The following QDPR variants were observed in gnomAD, a reference collection of about 807,000 sequenced individuals.
QDPR encodes the protein dihydropteridine reductase.
A neutral mutation model predicts 31.7 loss-of-function variants in QDPR; 23 were observed. The observed-to-expected ratio is 0.73, with a 90% CI of 0.52 to 1.03. The LOEUF (loss-of-function observed/expected upper bound fraction) is 1.03. Among genes scored for constraint, QDPR ranks in the 50% least tolerant of loss-of-function variants. The probability of loss-of-function intolerance (pLI) is 0.00; values close to 1 mark genes in which losing one functional copy is unlikely to be tolerated. For synonymous variants in QDPR, 124 were observed against 124.7 expected, an observed-to-expected ratio of 0.99 and a Z score of 0.03; for missense variants, 324 against 323.8, an observed-to-expected ratio of 1.00 and a Z score of 0.00.
At position 17,512,023 on chromosome 4, in the gene QDPR, C is replaced by T. The variant is rs1408416237; in HGVS notation, c.32G>A (p.Arg11His). The change falls in exon 1 of 7, where the codon CGC becomes CAC. Residue 11 changes from arginine to histidine, a missense_variant. Physicochemically the swap from Arg to His is conservative, Grantham distance 29. Transcript: ENST00000281243. Reference sequence around the variant, plus strand: ...CCTGCCGCCGTACACCAGCACCCGGCGCGCCTCGCCTGCAGCCGCCGCCGC... The same window carrying T: ...CCTGCCGCCGTACACCAGCACCCGGTGCGCCTCGCCTGCAGCCGCCGCCGC... MAAAAAAGEA[R>H]RVLVYGGRGA... is the part of the protein sequence containing the mutation. 9 of 1,605,952 alleles carry T rather than the reference C, an allele frequency of 5.6e-6. No homozygotes were observed. The highest frequency in any genetic ancestry group is 6.8e-6 in the Non-Finnish European group (8 of 1,177,150).
rs757483045 is a variant in QDPR at position 17,512,006 on chromosome 4, C to G, written c.49G>C (p.Gly17Arg). The part of the protein sequence containing the change: ...AGEARRVLVY[G>R]GRGALGSRCV... ...CGAGAACCCAGAGCGCCCCTGCCGC[C>G]GTACACCAGCACCCGGCGCGCCTCG... The change falls in exon 1 of 7, where the codon GGC (glycine) becomes CGC (arginine). Residue 17 changes from glycine to arginine, a missense_variant. Coordinates refer to ENST00000281243, the MANE Select transcript of QDPR (RefSeq NM_000320.3). The G allele has an allele frequency of 3.7e-6, 6 of 1,609,732 alleles. No homozygotes were observed. The highest frequency in any genetic ancestry group is 2.2e-5 in the East Asian group (1 of 44,756).
intron 2 of QDPR, among the ~76,000 whole-genome samples, chr4:17,508,974 T>C (rs530919842): frequency 5.8e-4 from 88 of 152,136 alleles, no homozygotes; most frequent in African/African-American, 2.0e-3. Context: ...CTGGCCAACA[T>C]GGTGAAACCC....
chr4:17,490,377 A>T, intron 6 of QDPR: 1 of 409,898 alleles, frequency 2.4e-6, no homozygotes, highest in South Asian at 2.1e-5. Flanking sequence ...ACAGGTGGGG[A>T]AACTGAGGCC....
At chr4:17,489,731 T>C (rs1336029989) in intron 6 of QDPR, among the ~76,000 whole-genome samples, 2 of 152,202 alleles carry the variant, frequency 1.3e-5, no homozygotes, top group African/African-American at 2.4e-5. Context: ...ACATAAAAAG[T>C]GTTCTGTAAG....
At chr4:17,489,002 GT>G (rs1051419190) in intron 6 of QDPR, among the ~76,000 whole-genome samples, 7 of 152,114 alleles carry the variant, frequency 4.6e-5, no homozygotes, top group Non-Finnish European at 1.0e-4. Context: ...TTGTTGTTTT[GT>G]TTTTTTATAC....
intron 4 of QDPR, among the ~76,000 whole-genome samples, chr4:17,496,473 G>GAACA (rs890901959): frequency 2.9e-5 from 2 of 68,952 alleles, no homozygotes; most frequent in Non-Finnish European, 5.9e-5. Context: ...AAAAAAAAAA[G>GAACA]AACAAACTGG....
intron 3 of QDPR, among the ~76,000 whole-genome samples, chr4:17,503,837 G>A (rs1165758815): frequency 6.6e-6 from 1 of 152,094 alleles, no homozygotes; most frequent in East Asian, 1.9e-4. Flanking sequence ...TGTAATATCA[G>A]CTACTCGGGA....
At chr4:17,496,442 CAAAAA>C (rs747311750) in intron 4 of QDPR, among the ~76,000 whole-genome samples, 11 of 64,616 alleles carry the variant, frequency 1.7e-4, no homozygotes, top group South Asian at 1.9e-3. Flanking sequence ...AAAACTGTCT[CAAAAA>C]AAAAAAAAAA....
rs1448592322 is a variant in QDPR, at chr4:17,512,086, C to T, written c.-32G>A. On this transcript the variant is annotated 5_prime_UTR_variant, in exon 1 of 7. Transcript: ENST00000281243. Reference sequence around the variant, plus strand: ...CCTGCCAGCCCGGCTCCCGCAGCTCCGAATGCCTCGAGCCGGAGCGCCGCG... The same window carrying T: ...CCTGCCAGCCCGGCTCCCGCAGCTCTGAATGCCTCGAGCCGGAGCGCCGCG... 4.6e-6 allele frequency: 7 copies of T among 1,514,280 alleles called. No individual in the cohort carries two copies. Among genetic ancestry groups the T allele is most frequent in the African/African-American group, 2.9e-5 (2 of 69,770 alleles). 93.8% of individuals were successfully genotyped at this position (1,514,280 alleles called of 1,614,324 possible).
chr4:17,506,986 TTAAC>T (rs1718809246), intron 2 of QDPR, among the ~76,000 whole-genome samples: 1 of 152,218 alleles, frequency 6.6e-6, no homozygotes, highest in Non-Finnish European at 1.5e-5. Context: ...AAATAAATGA[TTAAC>T]TATATGGTAG....
At chr4:17,511,407 G>A (rs1719001774) in intron 1 of QDPR, among the ~76,000 whole-genome samples, 1 of 152,244 alleles carries the variant, frequency 6.6e-6, no homozygotes, top group Non-Finnish European at 1.5e-5. Context: ...GGGGTGGGTA[G>A]TAATAGTAAC....
intron 2 of QDPR, among the ~76,000 whole-genome samples, chr4:17,505,033 G>A (rs114988646): frequency 3.3e-5 from 5 of 152,190 alleles, no homozygotes; most frequent in African/African-American, 7.2e-5. Flanking sequence ...TAAGTACATG[G>A]GGGTTCACTT....
At position 17,495,565 on chromosome 4, in the gene QDPR, T is replaced by C. The variant is rs142322582; in HGVS notation, c.437-3225A>G. On this transcript the variant is annotated intron_variant, in intron 4 of 6. Transcript: ENST00000281243. ...AAATGGGATCCAATGCTAAGCTAAA[T>C]AGGCTTTCCTGAAAACGACATGAAA... Among the ~76,000 whole-genome samples, 66 of 152,250 alleles carry C rather than the reference T, an allele frequency of 4.3e-4. No homozygotes were observed. The East Asian group carries it at 0.012, about 28-fold the overall frequency.
At chr4:17,496,655 T>C (rs992167517) in intron 4 of QDPR, among the ~76,000 whole-genome samples, 6 of 151,606 alleles carry the variant, frequency 4.0e-5, no homozygotes, top group African/African-American at 1.5e-4. Flanking sequence ...TTTTTTTTTT[T>C]GAGACAAGCT....
At chr4:17,494,798 T>G (rs1400198546) in intron 4 of QDPR, among the ~76,000 whole-genome samples, 1 of 152,186 alleles carries the variant, frequency 6.6e-6, no homozygotes, top group African/African-American at 2.4e-5. Context: ...CCCTAACTCC[T>G]GTTTTTCCAG....
At chr4:17,487,276 CA>C in intron 6 of QDPR, 40 bp from the exon 7 acceptor site, 1 of 1,309,398 alleles carries the variant, frequency 7.6e-7, no homozygotes, top group East Asian at 2.8e-5. Flanking sequence ...ATTCTCAAAG[CA>C]AAAATCTGGG....
chr4:17,501,993 C>T (rs1718582241), intron 3 of QDPR, 134 bp from the exon 4 acceptor site: 1 of 1,041,832 alleles, frequency 9.6e-7, no homozygotes, highest in Non-Finnish European at 1.4e-6. Context: ...AGGTCTAACA[C>T]AAACAGCACA....
chr4:17,511,892 A>G (rs1306028635), intron 1 of QDPR, 58 bp downstream of exon 1: 2 of 1,555,096 alleles, frequency 1.3e-6, no homozygotes, highest in East Asian at 2.4e-5. Flanking sequence ...GCCGGGTTCC[A>G]CACGAAAGCC....
At chr4:17,495,775 G>A (rs1718326368) in intron 4 of QDPR, among the ~76,000 whole-genome samples, 1 of 151,418 alleles carries the variant, frequency 6.6e-6, no homozygotes, top group South Asian at 2.1e-4. Context: ...TTGGGAGGCT[G>A]CGGCAAGTGG....
Sources: allele counts gnomAD v4.1 joint callset (sites outside exome capture counted in the v4.1 genomes callset), GRCh38; gene constraint gnomAD v4.1.1; transcripts MANE v1.5; gene names NCBI Gene and HGNC (gene_info 2026-07-23, HGNC 2026-07-21).